TRERF1: variants seen among roughly 807,000 people sequenced by gnomAD.
TRERF1 encodes transcriptional-regulating factor 1.
Under a neutral mutation model 122.9 loss-of-function variants are expected in TRERF1, and 27 were observed. The observed-to-expected ratio is 0.22, with a 90% CI of 0.16 to 0.30. The LOEUF (loss-of-function observed/expected upper bound fraction) is 0.30. Ranked by LOEUF, TRERF1 falls within the 10% of genes least tolerant of loss-of-function variation. The pLI is 1.00. For synonymous variants in TRERF1, 636 were observed against 641.7 expected, an observed-to-expected ratio of 0.99 and a Z score of 0.13; for missense variants, 1,248 against 1,560.3, an observed-to-expected ratio of 0.80 and a Z score of 3.37.
intron 2 of TRERF1, among the ~76,000 whole-genome samples, chr6:42,407,764 A>G (rs1379515242): frequency 6.6e-6 from 1 of 151,754 alleles, no homozygotes; most frequent in African/African-American, 2.4e-5. Context: ...AATTTTACAG[A>G]GAAAAAAAAA....
intron 1 of TRERF1, among the ~76,000 whole-genome samples, chr6:42,451,841 G>T (rs1486193957): frequency 6.6e-6 from 1 of 151,728 alleles, no homozygotes; most frequent in Non-Finnish European, 1.5e-5. Flanking sequence ...TGCAGCGCCG[G>T]GCTGCGCGCG....
intron 4 of TRERF1, among the ~76,000 whole-genome samples, chr6:42,283,370 CTG>C (rs757502321): frequency 7.2e-5 from 11 of 152,170 alleles, no homozygotes; most frequent in Non-Finnish European, 1.6e-4. Context: ...AATATGGAAT[CTG>C]TGAATAATAA....
At chr6:42,325,566 A>G (rs897247027) in intron 3 of TRERF1, among the ~76,000 whole-genome samples, 4 of 152,204 alleles carry the variant, frequency 2.6e-5, no homozygotes, top group African/African-American at 4.8e-5. Flanking sequence ...ATGGAATGCT[A>G]TGCAGCCATA....
At chr6:42,241,116 C>G (rs1361355081) in intron 15 of TRERF1, among the ~76,000 whole-genome samples, 1 of 152,138 alleles carries the variant, frequency 6.6e-6, no homozygotes, top group Non-Finnish European at 1.5e-5. Context: ...GATCTCCTGA[C>G]CTCGTGATCC....
At chr6:42,426,718 C>G (rs1029906181) in intron 2 of TRERF1, among the ~76,000 whole-genome samples, 3 of 152,120 alleles carry the variant, frequency 2.0e-5, no homozygotes, top group African/African-American at 4.8e-5. Flanking sequence ...CACGCTCATT[C>G]ATTTACGAGT....
At chr6:42,337,567 CCA>C (rs1416807849) in intron 3 of TRERF1, among the ~76,000 whole-genome samples, 3 of 152,156 alleles carry the variant, frequency 2.0e-5, no homozygotes, top group Admixed American at 1.3e-4. Flanking sequence ...GCAAAATGAG[CCA>C]CAGACAGGCA....
intron 2 of TRERF1, among the ~76,000 whole-genome samples, chr6:42,392,717 C>T (rs72857666): frequency 0.024 from 3,609 of 152,178 alleles, 67 homozygotes; most frequent in Non-Finnish European, 0.031. Flanking sequence ...AGCCATCATC[C>T]CAGCAATTAA....
Position 42,262,571 on chromosome 6 carries a change from G to C in TRERF1, c.1884+749C>G, listed in dbSNP as rs957957772. 6.1e-5 allele frequency among the ~76,000 whole-genome samples: 9 copies of C among 148,616 alleles called. 1 individual carries two copies. The highest frequency in any genetic ancestry group is 2.0e-4 in the East Asian group (1 of 4,960). On this transcript the variant is annotated intron_variant, in intron 8 of 17. Coordinates refer to ENST00000372922, the Ensembl canonical transcript of TRERF1. ...AGAGAGAGAGAGAGAGAGAGAGAGA[G>C]AGAGAGAGAGAGAGAGAGAGAGAGA... is the stretch of plus-strand genomic sequence containing the variant.
intron 2 of TRERF1, among the ~76,000 whole-genome samples, chr6:42,381,644 C>A (rs554255412): frequency 6.6e-6 from 1 of 151,938 alleles, no homozygotes; most frequent in East Asian, 2.0e-4. Context: ...CTACAACCAT[C>A]TTCTCAGCTT....
At chr6:42,341,063 C>A (rs77928209) in intron 3 of TRERF1, among the ~76,000 whole-genome samples, 1,653 of 152,294 alleles carry the variant, frequency 0.011, 27 homozygotes, top group African/African-American at 0.037. Context: ...GGATTCCCCC[C>A]ACATCCTTCC....
intron 3 of TRERF1, among the ~76,000 whole-genome samples, chr6:42,359,297 A>G (rs1771240506): frequency 6.6e-6 from 1 of 152,184 alleles, no homozygotes; most frequent in Non-Finnish European, 1.5e-5. Context: ...GTTTCTCAGT[A>G]CTGCAGTATC....
chr6:42,296,805 G>A (rs1785184585), intron 4 of TRERF1, among the ~76,000 whole-genome samples: 1 of 152,204 alleles, frequency 6.6e-6, no homozygotes, highest in South Asian at 2.1e-4. Flanking sequence ...AGGTCTGGAT[G>A]AGAAGCCCAC....
At chr6:42,408,242 TATATATACATACAC>T (rs1780519136) in intron 2 of TRERF1, among the ~76,000 whole-genome samples, 2 of 90,808 alleles carry the variant, frequency 2.2e-5, no homozygotes, top group African/African-American at 1.1e-4. Flanking sequence ...TGTGTGTATG[TATATATACATACAC>T]ATGTGTGTGT....
intron 2 of TRERF1, among the ~76,000 whole-genome samples, chr6:42,424,758 T>A (rs1301519005): frequency 6.6e-6 from 1 of 152,224 alleles, no homozygotes; most frequent in East Asian, 1.9e-4. Flanking sequence ...TATTCCCTGG[T>A]TACTAATGAA....
rs1223803884 is a variant in TRERF1, at chr6:42,268,322, A to G, written c.1269T>C (p.His423=). The change falls in exon 5 of 18, where the codon CAT becomes CAC. Residue 423 remains histidine, a synonymous_variant. Transcript: ENST00000372922. This position sits in a 1 kb window ranked among gnomAD's most constrained non-coding sequence, Gnocchi z 4.4. ...CTGTGTCAGGAGGCCCCAGGTCCCC[A>G]TGGGAGCTCAGCATGGCCTGGGCCT... 6.6e-7 allele frequency: 1 copy of G among 1,515,780 alleles called. No homozygotes were observed. The highest frequency in any genetic ancestry group is 8.8e-7 in the Non-Finnish European group (1 of 1,133,214). 93.9% of individuals were successfully genotyped at this position (1,515,780 alleles called of 1,614,324 possible).
chr6:42,403,828 C>T (rs1025739850), intron 2 of TRERF1, among the ~76,000 whole-genome samples: 23 of 152,198 alleles, frequency 1.5e-4, no homozygotes, highest in African/African-American at 5.6e-4. Context: ...AGTCCTAGAG[C>T]TGTTAGTGTC....
chr6:42,427,722 G>T (rs1474507205), intron 2 of TRERF1, among the ~76,000 whole-genome samples: 1 of 147,362 alleles, frequency 6.8e-6, no homozygotes, highest in Non-Finnish European at 1.5e-5. Flanking sequence ...GCTAATCTTT[G>T]TATTTTTTGT....
In TRERF1 at chr6:42,276,785, G is replaced by C. The variant is rs1781223807; in HGVS notation, c.-258-6937C>G. Among the ~76,000 whole-genome samples the C allele has an allele frequency of 6.6e-6, 1 of 152,142 alleles. No individual in the cohort carries two copies. Among genetic ancestry groups the C allele is most frequent in the African/African-American group, 2.4e-5 (1 of 41,430 alleles). On this transcript the variant is annotated intron_variant, in intron 4 of 17. Coordinates refer to ENST00000372922, the Ensembl canonical transcript of TRERF1. The surrounding 1 kb of genome is among the most constrained non-coding windows in gnomAD (Gnocchi z 4.3). ...GGCTTTCCTGCTGACTCTGGGCTGT[G>C]GGAGGATTTTCAAGGCTCCCTTTGG... is the stretch of plus-strand genomic sequence containing the variant.
At chr6:42,307,286 CA>C (rs1310378571) in intron 3 of TRERF1, among the ~76,000 whole-genome samples, 1 of 152,166 alleles carries the variant, frequency 6.6e-6, no homozygotes, top group Non-Finnish European at 1.5e-5. Flanking sequence ...AAGTGCTCCC[CA>C]CACGGCCTCC....
Sources: allele counts gnomAD v4.1 joint callset (sites outside exome capture counted in the v4.1 genomes callset), GRCh38; gene constraint gnomAD v4.1.1; non-coding constraint Gnocchi (gnomAD v3.1); transcripts MANE v1.5; gene names NCBI Gene and HGNC (gene_info 2026-07-23, HGNC 2026-07-21).